COL13A1: variants seen among roughly 807,000 people sequenced by gnomAD.
The protein encoded by COL13A1 is collagen alpha-1(XIII) chain.
Under a neutral mutation model 130.9 loss-of-function variants are expected in COL13A1, and 89 were observed. The ratio of observed to expected loss-of-function variants is 0.68; its 90% CI spans 0.57 to 0.81. COL13A1 has a LOEUF of 0.81. Ranked by LOEUF, COL13A1 falls within the 30% of genes least tolerant of loss-of-function variation. The probability of loss-of-function intolerance (pLI) is 0.00; values close to 1 mark genes in which losing one functional copy is unlikely to be tolerated. For missense variants in COL13A1, 879 were observed against 934.6 expected (o/e 0.94, Z 0.78); for synonymous variants, 402 against 341.6 (o/e 1.18, Z -1.95).
intron 1 of COL13A1, among the ~76,000 whole-genome samples, chr10:69,808,410 C>G (rs1564717330): frequency 1.3e-5 from 2 of 152,218 alleles, no homozygotes; most frequent in Admixed American, 6.5e-5. Context: ...AGACATTTAG[C>G]TCAGAGAAGG....
intron 13 of COL13A1, among the ~76,000 whole-genome samples, chr10:69,895,844 C>T (rs1036105160): frequency 1.3e-5 from 2 of 152,128 alleles, no homozygotes; most frequent in African/African-American, 2.4e-5. Context: ...TTTGTACGTA[C>T]GTCTGACTCG....
rs766307982 is a variant in COL13A1 at position 69,944,122 on chromosome 10, C to T, written c.1915-3C>T. ...TCACCTCTGCTTTCTTTCCCCTTCC[C>T]AGGGTACTCCAGGACCAATTGGAGT... On this transcript the variant is annotated splice_polypyrimidine_tract_variant and splice_region_variant and intron_variant, in intron 35 of 40. Transcript: ENST00000645393. 1 of 1,613,556 alleles carries T rather than the reference C, an allele frequency of 6.2e-7. No homozygotes were observed. The highest frequency in any genetic ancestry group is 8.5e-7 in the Non-Finnish European group (1 of 1,179,580).
intron 17 of COL13A1, among the ~76,000 whole-genome samples, chr10:69,909,892 T>G (rs1465099229): frequency 6.6e-6 from 1 of 152,238 alleles, no homozygotes; most frequent in African/African-American, 2.4e-5. Context: ...TGGTTAGAAC[T>G]CATCCTGATT....
chr10:69,867,065 C>T (rs760243963), intron 2 of COL13A1, among the ~76,000 whole-genome samples: 2 of 152,082 alleles, frequency 1.3e-5, no homozygotes, highest in South Asian at 2.1e-4. Context: ...TTCTCCCTCT[C>T]GGAACACTTG....
rs776058985 is a variant in COL13A1, at chr10:69,930,460, G to A, written c.1591G>A (p.Asp531Asn). Reference protein sequence around the residue: ...PPGPQGPPGKDGPPGVKGENG... With the variant: ...PPGPQGPPGKNGPPGVKGENG... ...TGGTCCCCAAGGCCCCCCAGGAAAG[G>A]ATGGACCTCCAGGAGTGAAGGGAGA... Residue 531 changes from aspartate to asparagine, a missense_variant, in exon 30 of 41, where the codon GAT becomes AAT. Around this residue, in one of 3 missense-constraint regions of COL13A1, gnomAD observed 715 missense variants for 721.0 expected, o/e 0.99. Coordinates refer to ENST00000645393, the MANE Select transcript of COL13A1 (RefSeq NM_001368882.1). 8 of 1,613,768 alleles carry A rather than the reference G, an allele frequency of 5.0e-6. No individual in the cohort carries two copies. The East Asian group carries it at 1.8e-4, about 36-fold the overall frequency.
intron 5 of COL13A1, 64 bp from the exon 6 acceptor site, chr10:69,877,975 T>A (rs1263401070): frequency 1.4e-6 from 1 of 696,498 alleles, no homozygotes; most frequent in Non-Finnish European, 2.6e-6. Context: ...CTCTTTCTCA[T>A]CCCCTCTTTT....
chr10:69,811,833 C>T (rs1043262180), intron 1 of COL13A1, among the ~76,000 whole-genome samples: 1 of 152,158 alleles, frequency 6.6e-6, no homozygotes, highest in African/African-American at 2.4e-5. Flanking sequence ...GCACCTCAAA[C>T]TCTACGTGTC....
At chr10:69,873,678 C>T (rs1326067180) in intron 4 of COL13A1, among the ~76,000 whole-genome samples, 3 of 152,168 alleles carry the variant, frequency 2.0e-5, no homozygotes, top group Non-Finnish European at 2.9e-5. Context: ...GTGAGTGGAC[C>T]GTGGGGCTGC....
intron 31 of COL13A1, among the ~76,000 whole-genome samples, chr10:69,934,033 A>G (rs904512383): frequency 6.6e-6 from 1 of 152,220 alleles, no homozygotes; most frequent in African/African-American, 2.4e-5. Context: ...ATAAGCATAT[A>G]CATATATGTA....
Position 69,931,274 on chromosome 10 carries a change from G to A in COL13A1, c.1683+722G>A, listed in dbSNP as rs538542730. The A allele has an allele frequency of 4.7e-3, 2,140 of 452,530 alleles. 17 individuals are homozygous for A. Among genetic ancestry groups the A allele is most frequent in the Non-Finnish European group, 7.7e-3 (1,741 of 225,206 alleles). 28.0% of individuals were successfully genotyped at this position (452,530 alleles called of 1,614,324 possible). ...GGTTTACAGTGAAGCCAGAGGGCTG[G>A]GTGTCAAGGTTGCCTGCAGGCAGCC... On this transcript the variant is annotated intron_variant, in intron 30 of 40. Coordinates refer to ENST00000645393, the MANE Select transcript of COL13A1 (RefSeq NM_001368882.1).
At chr10:69,850,718 A>G (rs1023863217) in intron 2 of COL13A1, among the ~76,000 whole-genome samples, 2 of 147,518 alleles carry the variant, frequency 1.4e-5, no homozygotes, top group Middle Eastern at 3.5e-3. Flanking sequence ...CACCATTGAA[A>G]GGGGAGGGGA....
At chr10:69,820,575 T>C (rs1309647221) in intron 1 of COL13A1, among the ~76,000 whole-genome samples, 1 of 152,234 alleles carries the variant, frequency 6.6e-6, no homozygotes, top group Non-Finnish European at 1.5e-5. Flanking sequence ...CACCAGACTT[T>C]GGCCTGGGGG....
chr10:69,869,297 T>C (rs1362198189), intron 3 of COL13A1, among the ~76,000 whole-genome samples: 2 of 152,030 alleles, frequency 1.3e-5, no homozygotes, highest in Non-Finnish European at 2.9e-5. Flanking sequence ...CCCCACATTC[T>C]GAGCCCAGCT....
chr10:69,889,275 T>C (rs535414496), intron 9 of COL13A1, 139 bp from the exon 10 acceptor site: 2 of 1,089,544 alleles, frequency 1.8e-6, no homozygotes, highest in African/African-American at 1.6e-5. Flanking sequence ...AGCCAGAAGG[T>C]GCAGATGGAG....
At chr10:69,932,339 C>T (rs2066226480) in intron 30 of COL13A1, among the ~76,000 whole-genome samples, 1 of 152,168 alleles carries the variant, frequency 6.6e-6, no homozygotes, top group Non-Finnish European at 1.5e-5. Context: ...CACCCTAAGG[C>T]CTGTACGCTG....
intron 16 of COL13A1, 78 bp from the exon 17 acceptor site, chr10:69,905,709 G>A (rs1294657039): frequency 6.7e-6 from 10 of 1,499,276 alleles, no homozygotes; most frequent in Non-Finnish European, 9.2e-6. Flanking sequence ...AAGAGGGATG[G>A]TATTGTGTGG....
intron 35 of COL13A1, among the ~76,000 whole-genome samples, chr10:69,942,429 T>C (rs370027178): frequency 1.3e-5 from 2 of 152,134 alleles, no homozygotes; most frequent in Non-Finnish European, 2.9e-5. Context: ...TCGGGGATGA[T>C]CTGTGGTTGC....
intron 2 of COL13A1, among the ~76,000 whole-genome samples, chr10:69,849,533 T>C (rs1459171792): frequency 2.6e-5 from 4 of 152,190 alleles, no homozygotes; most frequent in East Asian, 1.9e-4. Flanking sequence ...AGAGAGGATA[T>C]TGTTTCCTTC....
chr10:69,897,485 G>A (rs1335888017), intron 13 of COL13A1: 2 of 1,613,792 alleles, frequency 1.2e-6, no homozygotes, highest in Non-Finnish European at 1.7e-6. Flanking sequence ...GAGTGCCTAA[G>A]CAGCATGCCA....
Sources: allele counts gnomAD v4.1 joint callset (sites outside exome capture counted in the v4.1 genomes callset), GRCh38; gene constraint gnomAD v4.1.1; regional missense constraint gnomAD v4.1.1; transcripts MANE v1.5; gene names NCBI Gene and HGNC (gene_info 2026-07-23, HGNC 2026-07-21).